CCDC3: variants seen among roughly 807,000 people sequenced by gnomAD.
CCDC3 encodes coiled-coil domain containing 3.
In CCDC3, 24 loss-of-function variants were observed where a neutral mutation model predicts 21.4. The ratio of observed to expected loss-of-function variants is 1.12; its 90% CI spans 0.81 to 1.58. The LOEUF is 1.58. Ranked by LOEUF, CCDC3 falls within the 40% of genes most tolerant of loss-of-function variation. CCDC3 has a pLI of 0.00. For missense variants in CCDC3, 425 were observed against 360.9 expected (o/e 1.18, Z -1.44); for synonymous variants, 186 against 166.0 (o/e 1.12, Z -0.93).
At chr10:12,961,528 T>G (rs953165414) in intron 2 of CCDC3, among the ~76,000 whole-genome samples, 1 of 152,156 alleles carries the variant, frequency 6.6e-6, no homozygotes, top group African/African-American at 2.4e-5. Context: ...TTGTGAGCCT[T>G]TGCAAAGGAT....
rs144240812 is a variant in CCDC3 at position 13,096,241 on chromosome 10, T to C, written c.-503+2284A>G. ...CTCCATGGCCCAGGCTGGAGTGCAG[T>C]GGCACCATCTTGGCTCAGCGCAACC... is the stretch of plus-strand genomic sequence containing the variant. On this transcript the variant is annotated intron_variant, in intron 3 of 6. Coordinates refer to the CCDC3 transcript ENST00000378839. Among the ~76,000 whole-genome samples, 604 of 151,736 alleles carry C rather than the reference T, an allele frequency of 4.0e-3. 6 individuals are homozygous for C. Among genetic ancestry groups the C allele is most frequent in the African/African-American group, 0.014 (564 of 41,334 alleles).
At position 12,922,756 on chromosome 10, in the gene CCDC3, T is replaced by C. The variant is rs139058172; in HGVS notation, c.550-24077A>G. On this transcript the variant is annotated intron_variant, in intron 2 of 2. Transcript: ENST00000378825. ...CTGGCTGTTTTCTGAACCTAAGGAG[T>C]GTCAATTTCTCACCTCTTCCCTTTG... Among the ~76,000 whole-genome samples, 473 of 152,018 alleles carry C rather than the reference T, an allele frequency of 3.1e-3. 2 individuals carry two copies. Among genetic ancestry groups the C allele is most frequent in the African/African-American group, 0.011 (438 of 41,434 alleles).
chr10:12,930,347 A>G (rs1055391069), intron 2 of CCDC3, among the ~76,000 whole-genome samples: 6 of 152,206 alleles, frequency 3.9e-5, no homozygotes, highest in Non-Finnish European at 7.3e-5. Flanking sequence ...ATATAATCAG[A>G]TATTATTTTG....
chr10:13,064,210 C>T (rs1836796776), intron 4 of CCDC3, among the ~76,000 whole-genome samples: 1 of 152,224 alleles, frequency 6.6e-6, no homozygotes, highest in African/African-American at 2.4e-5. Context: ...AGGCGTGAGC[C>T]ACTGTGCCCG....
chr10:12,945,908 G>T (rs536882328), intron 2 of CCDC3, among the ~76,000 whole-genome samples: 2 of 152,224 alleles, frequency 1.3e-5, no homozygotes, highest in Non-Finnish European at 2.9e-5. Context: ...GCTGCACTTA[G>T]ATAACAAACA....
intron 4 of CCDC3, among the ~76,000 whole-genome samples, chr10:13,054,425 C>A (rs1467663996): frequency 6.6e-6 from 1 of 152,088 alleles, no homozygotes; most frequent in Non-Finnish European, 1.5e-5. Context: ...GTCCCCCACT[C>A]AGTAGCAATT....
In CCDC3 at chr10:13,001,611, C is replaced by G; in HGVS notation, c.-41G>C. ...GGCGCACGGGGCGGCGGCGGGGAGC[C>G]CGGGGAGCCCGCCGGCCCGGGAAGG... On this transcript the variant is annotated 5_prime_UTR_variant, in exon 1 of 3. Transcript: ENST00000378825. 2 of 1,110,200 alleles carry G rather than the reference C, an allele frequency of 1.8e-6. No homozygotes were observed. The highest frequency in any genetic ancestry group is 4.4e-5 in the South Asian group (1 of 22,806). The allele number at this position is 1,110,200 out of a possible 1,614,324, so 68.8% of individuals were successfully genotyped here.
Position 12,943,934 on chromosome 10 carries a change from T to C in CCDC3, c.550-45255A>G, listed in dbSNP as rs1049657751. Among the ~76,000 whole-genome samples, 55 of 152,138 alleles carry C rather than the reference T, an allele frequency of 3.6e-4. 1 individual carries two copies. Among genetic ancestry groups the C allele is most frequent in the Admixed American group, 3.9e-4 (6 of 15,270 alleles). Reference sequence around the variant, plus strand: ...TCTTGGGTATTTACCCCAGACAACGTTGCTGCTACAATGGGAAGGGACAGG... The same window carrying C: ...TCTTGGGTATTTACCCCAGACAACGCTGCTGCTACAATGGGAAGGGACAGG... On this transcript the variant is annotated intron_variant, in intron 2 of 2. Transcript: ENST00000378825.
intron 2 of CCDC3, among the ~76,000 whole-genome samples, chr10:12,974,358 C>T (rs1297848673): frequency 2.0e-5 from 3 of 152,194 alleles, no homozygotes; most frequent in African/African-American, 4.8e-5. Context: ...CAGAGGTTTC[C>T]GCTGTCCTGC....
chr10:12,935,564 A>G (rs1040538339), intron 2 of CCDC3, among the ~76,000 whole-genome samples: 1 of 151,788 alleles, frequency 6.6e-6, no homozygotes, highest in African/African-American at 2.4e-5. Flanking sequence ...TGAGCATTTT[A>G]TATTATTTCA....
At chr10:13,058,578 C>T (rs968000548) in intron 4 of CCDC3, 3 of 683,892 alleles carry the variant, frequency 4.4e-6, no homozygotes, top group African/African-American at 3.5e-5. Context: ...CCAAGCGTTT[C>T]TGGGCATAGT....
chr10:13,061,000 G>C (rs1471781692), intron 4 of CCDC3, among the ~76,000 whole-genome samples: 1 of 152,190 alleles, frequency 6.6e-6, no homozygotes. Context: ...ATTAGATTGG[G>C]AATTAGCAGG....
chr10:12,958,658 C>A (rs1052008767), intron 2 of CCDC3, among the ~76,000 whole-genome samples: 2 of 152,194 alleles, frequency 1.3e-5, no homozygotes, highest in African/African-American at 4.8e-5. Flanking sequence ...ACATAGCTGA[C>A]AGGACCAGGC....
intron 2 of CCDC3, among the ~76,000 whole-genome samples, chr10:12,969,228 G>A (rs529508379): frequency 4.9e-4 from 74 of 152,072 alleles, no homozygotes; most frequent in African/African-American, 1.7e-3. Context: ...GAATCATCAG[G>A]GAAAAGGAGA....
At chr10:12,918,616 C>T (rs957475769) in intron 2 of CCDC3, among the ~76,000 whole-genome samples, 1 of 152,144 alleles carries the variant, frequency 6.6e-6, no homozygotes, top group African/African-American at 2.4e-5. Context: ...AGGATGATCA[C>T]TGAAAAAGCA....
At position 12,913,219 on chromosome 10, in the gene CCDC3, A is replaced by ATAGAG. The variant is rs1200303723; in HGVS notation, c.550-14541_550-14540insCTCTA. ...AACAATATTCTTCTAATCTATGAGC[A>ATAGAG]CAGGATATCTTCCCATTTATTTGTA... On this transcript the variant is annotated intron_variant, in intron 2 of 2. Transcript: ENST00000378825. Among the ~76,000 whole-genome samples the ATAGAG allele has an allele frequency of 1.5e-4, 23 of 152,376 alleles. No individual in the cohort carries two copies. The East Asian group carries it at 4.0e-3, about 27-fold the overall frequency.
chr10:12,994,390 T>A (rs1219535251), intron 2 of CCDC3, among the ~76,000 whole-genome samples: 4 of 143,484 alleles, frequency 2.8e-5, no homozygotes, highest in African/African-American at 1.1e-4. Context: ...AGAGCAAGAC[T>A]CCGTCTCAAA....
At chr10:12,984,403 TAAC>T (rs1191184218) in intron 2 of CCDC3, among the ~76,000 whole-genome samples, 5 of 152,080 alleles carry the variant, frequency 3.3e-5, no homozygotes, top group Admixed American at 3.3e-4. Flanking sequence ...AGATAGACAA[TAAC>T]AACTACTAGT....
chr10:12,998,425 A>G lies in CCDC3; in HGVS notation c.462T>C (p.Phe154=). 1 of 1,614,186 alleles carries G rather than the reference A, an allele frequency of 6.2e-7. No homozygotes were observed. The highest frequency in any genetic ancestry group is 1.7e-5 in the Admixed American group (1 of 60,024). The part of the protein sequence containing the change: ...FPDTQENRRM[F]SSLFQFSNCS... ...AGTTTGAAAACTGGAAAAGGCTAGA[A>G]AACATCCTTCTGTTCTCTTGAGTGT... The change falls in exon 2 of 3, where the codon TTT becomes TTC. Residue 154 remains phenylalanine, a synonymous_variant. Transcript: ENST00000378825.
Sources: allele counts gnomAD v4.1 joint callset (sites outside exome capture counted in the v4.1 genomes callset), GRCh38; gene constraint gnomAD v4.1.1; transcripts MANE v1.5; gene names NCBI Gene and HGNC (gene_info 2026-07-23, HGNC 2026-07-21).